The following RRAS2 variants were observed in gnomAD, a reference collection of about 807,000 sequenced individuals.
The protein encoded by RRAS2 is RAS related 2.
In RRAS2, 7 loss-of-function variants were observed where a neutral mutation model predicts 27.6. The observed-to-expected ratio is 0.25, with a 90% CI of 0.14 to 0.48. The LOEUF is 0.48. Ranked by LOEUF, RRAS2 falls within the 20% of genes least tolerant of loss-of-function variation. The pLI, the probability that RRAS2 is intolerant of heterozygous loss-of-function variation, is 0.99. For synonymous variants in RRAS2, 86 were observed against 90.9 expected (o/e 0.95, Z 0.31); for missense variants, 178 against 256.2 (o/e 0.69, Z 2.08).
At chr11:14,284,390 A>ACTAT (rs1554944763) in intron 4 of RRAS2, among the ~76,000 whole-genome samples, 1 of 152,212 alleles carries the variant, frequency 6.6e-6, no homozygotes, top group African/African-American at 2.4e-5. Context: ...GAAATTACAC[A>ACTAT]CTATCTGACT....
In RRAS2 at chr11:14,359,115, C is replaced by G. The variant is rs1356679042; in HGVS notation, c.-245G>C. 2 of 1,052,088 alleles carry G rather than the reference C, an allele frequency of 1.9e-6. No homozygotes were observed. Among genetic ancestry groups the G allele is most frequent in the South Asian group, 9.1e-5 (2 of 21,884 alleles). 65.2% of individuals were successfully genotyped at this position (1,052,088 alleles called of 1,614,324 possible). A position where few individuals can be genotyped will look rare whatever the true frequency, so the allele number is the denominator to read the frequency against. ...GCCAGGGGCGGCAGCGGCCGGGGGG[C>G]GCGCTCCTCTACGCGTCTCCGCAGC... On this transcript the variant is annotated 5_prime_UTR_variant, in exon 1 of 6. Transcript: ENST00000256196.
chr11:14,284,245 T>C (rs1355885338), intron 4 of RRAS2, among the ~76,000 whole-genome samples: 1 of 152,202 alleles, frequency 6.6e-6, no homozygotes, highest in Non-Finnish European at 1.5e-5. Context: ...TTTCATTCAG[T>C]TCATGATACT....
chr11:14,307,286 A>G (rs1220874760), intron 1 of RRAS2, among the ~76,000 whole-genome samples: 1 of 151,958 alleles, frequency 6.6e-6, no homozygotes, highest in Non-Finnish European at 1.5e-5. Context: ...CTACCAATAC[A>G]CTCATGACAT....
At chr11:14,285,204 C>T (rs1231478937) in intron 4 of RRAS2, among the ~76,000 whole-genome samples, 4 of 151,940 alleles carry the variant, frequency 2.6e-5, no homozygotes, top group African/African-American at 9.7e-5. Context: ...ATTTTTAATT[C>T]ATGACAGTCT....
rs80130992 is a variant in RRAS2, at chr11:14,331,673, TAAAAAAAAAAA to T, written c.108+27079_108+27089del. ...GCAACATAGGGAGATCCCCAACTCT[TAAAAAAAAAAA>T]AAAAAAAAAAAAAGTTCTGGCAAGT... On this transcript the variant is annotated intron_variant, in intron 1 of 5. Coordinates refer to ENST00000256196, the MANE Select transcript of RRAS2 (RefSeq NM_012250.6). Among the ~76,000 whole-genome samples the T allele has an allele frequency of 7.4e-5, 6 of 81,602 alleles. 1 individual carries two copies. The highest frequency in any genetic ancestry group is 1.9e-4 in the African/African-American group (4 of 20,888). The allele number at this position is 81,602 out of a possible 152,430, so 53.5% of individuals were successfully genotyped here.
intron 4 of RRAS2, among the ~76,000 whole-genome samples, chr11:14,287,431 T>C (rs782182974): frequency 7.9e-5 from 12 of 152,178 alleles, no homozygotes; most frequent in Admixed American, 5.2e-4. Flanking sequence ...GTAAATATGA[T>C]TGGGGGAAGG....
upstream of RRAS2, among the ~76,000 whole-genome samples, chr11:14,362,704 G>A (rs546241929): frequency 1.3e-5 from 2 of 152,302 alleles, no homozygotes; most frequent in Middle Eastern, 3.4e-3. Flanking sequence ...GAAATCCTGT[G>A]ACAAGGGAGA....
rs1849152866 is a variant in RRAS2 at position 14,359,151 on chromosome 11, C to T, written c.-281G>A. 2.9e-6 allele frequency: 3 copies of T among 1,022,214 alleles called. No individual in the cohort carries two copies. Among genetic ancestry groups the T allele is most frequent in the Non-Finnish European group, 3.5e-6 (3 of 854,658 alleles). 63.3% of individuals were successfully genotyped at this position (1,022,214 alleles called of 1,614,324 possible). A position where few individuals can be genotyped will look rare whatever the true frequency, so the allele number is the denominator to read the frequency against. On this transcript the variant is annotated 5_prime_UTR_variant, in exon 1 of 6. Transcript: ENST00000256196. The stretch of plus-strand genomic sequence containing the variant: ...ACGCGTCTCCGCAGCGCCTGCCGAA[C>T]GCAGCCTCCAGCGCCGCCACAAATG...
At chr11:14,363,506 C>T (rs782035617), upstream of RRAS2, among the ~76,000 whole-genome samples, 36 of 152,174 alleles carry the variant, frequency 2.4e-4, no homozygotes, top group Non-Finnish European at 4.3e-4. Flanking sequence ...CAGTGGCTCA[C>T]GCTTGTAATC....
chr11:14,320,712 AATTT>A (rs1848203121), intron 1 of RRAS2, among the ~76,000 whole-genome samples: 1 of 151,822 alleles, frequency 6.6e-6, no homozygotes, highest in South Asian at 2.1e-4. Flanking sequence ...ACATACTATT[AATTT>A]ATTTTAAATA....
At chr11:14,340,493 T>C (rs1848681960) in intron 1 of RRAS2, among the ~76,000 whole-genome samples, 1 of 152,078 alleles carries the variant, frequency 6.6e-6, no homozygotes, top group African/African-American at 2.4e-5. Context: ...TTAAGAACCA[T>C]TTCCAATTTA....
chr11:14,345,715 A>T (rs1329965012), intron 1 of RRAS2, among the ~76,000 whole-genome samples: 1 of 152,238 alleles, frequency 6.6e-6, no homozygotes, highest in African/African-American at 2.4e-5. Context: ...TATACCTCTC[A>T]GCCAAAAGCC....
intron 1 of RRAS2, among the ~76,000 whole-genome samples, chr11:14,314,448 G>A (rs1554949273): frequency 6.6e-6 from 1 of 152,118 alleles, no homozygotes; most frequent in Non-Finnish European, 1.5e-5. Flanking sequence ...GAAATAAGAA[G>A]TGCAGAAAAG....
intron 1 of RRAS2, among the ~76,000 whole-genome samples, chr11:14,336,309 C>G (rs1329842847): frequency 6.6e-6 from 1 of 151,948 alleles, no homozygotes; most frequent in Non-Finnish European, 1.5e-5. Context: ...AATACAGAGC[C>G]ACACAACAAA....
intron 4 of RRAS2, among the ~76,000 whole-genome samples, chr11:14,287,106 G>A (rs1258616323): frequency 1.3e-5 from 2 of 152,176 alleles, no homozygotes; most frequent in Admixed American, 1.3e-4. Context: ...TGTTGGTGCT[G>A]TTTTGGAAGC....
At chr11:14,302,715 A>G (rs936544401) in intron 1 of RRAS2, among the ~76,000 whole-genome samples, 4 of 152,192 alleles carry the variant, frequency 2.6e-5, no homozygotes, top group Non-Finnish European at 5.9e-5. Flanking sequence ...ACTGTTATGT[A>G]GCCTCCACTC....
chr11:14,342,586 G>C (rs1554953415), intron 1 of RRAS2, among the ~76,000 whole-genome samples: 2 of 152,066 alleles, frequency 1.3e-5, no homozygotes, highest in African/African-American at 4.8e-5. Flanking sequence ...CAACCAACCA[G>C]CTTATCAAAA....
At position 14,310,382 on chromosome 11, in the gene RRAS2, A is replaced by G. The variant is rs138660438; in HGVS notation, c.109-14527T>C. 2.6e-4 allele frequency among the ~76,000 whole-genome samples: 40 copies of G among 152,330 alleles called. 1 individual carries two copies. The East Asian group carries it at 6.0e-3, about 23-fold the overall frequency. On this transcript the variant is annotated intron_variant, in intron 1 of 5. Coordinates refer to ENST00000256196, the MANE Select transcript of RRAS2 (RefSeq NM_012250.6). The stretch of plus-strand genomic sequence containing the variant: ...CAAGACGAATCAGACAGAGAAAACA[A>G]CAGAGACTGGGACCTGGGGTACTTC...
intron 1 of RRAS2, among the ~76,000 whole-genome samples, chr11:14,334,412 A>T (rs1317780967): frequency 2.0e-5 from 3 of 152,124 alleles, no homozygotes; most frequent in African/African-American, 7.2e-5. Context: ...AATTTATTTT[A>T]AAAATGCAGT....
Sources: allele counts gnomAD v4.1 joint callset (sites outside exome capture counted in the v4.1 genomes callset), GRCh38; gene constraint gnomAD v4.1.1; transcripts MANE v1.5; gene names NCBI Gene and HGNC (gene_info 2026-07-23, HGNC 2026-07-21).